ZBTB7C: variants seen among roughly 807,000 people sequenced by gnomAD.
ZBTB7C encodes zinc finger and BTB domain-containing protein 7C.
ZBTB7C carries 8 observed loss-of-function variants against 25.7 expected under a neutral mutation model. The ratio of observed to expected loss-of-function variants is 0.31; its 90% CI spans 0.18 to 0.56. ZBTB7C has a LOEUF of 0.56. Ranked by LOEUF, ZBTB7C falls within the 20% of genes least tolerant of loss-of-function variation. ZBTB7C has a pLI of 0.91. For missense variants in ZBTB7C, 824 were observed against 855.2 expected (o/e 0.96, Z 0.46); for synonymous variants, 394 against 369.0 (o/e 1.07, Z -0.78).
intron 2 of ZBTB7C, among the ~76,000 whole-genome samples, chr18:48,278,520 C>T (rs540769405): frequency 2.0e-5 from 3 of 152,004 alleles, no homozygotes; most frequent in Non-Finnish European, 4.4e-5. Flanking sequence ...ACTGCAACCT[C>T]CGCCTCCTGG....
chr18:48,359,211 A>C (rs1190764931), intron 1 of ZBTB7C, among the ~76,000 whole-genome samples: 1 of 152,148 alleles, frequency 6.6e-6, no homozygotes, highest in Non-Finnish European at 1.5e-5. Flanking sequence ...ATGAACTCAC[A>C]CGCACAGCCA....
chr18:48,355,337 G>A (rs964612362), intron 1 of ZBTB7C, among the ~76,000 whole-genome samples: 9 of 152,142 alleles, frequency 5.9e-5, no homozygotes, highest in Admixed American at 3.9e-4. Context: ...AGCTACTACT[G>A]GAAATCTGTT....
At chr18:48,278,242 G>C (rs935573398) in intron 2 of ZBTB7C, among the ~76,000 whole-genome samples, 2 of 152,112 alleles carry the variant, frequency 1.3e-5, no homozygotes, top group African/African-American at 2.4e-5. Context: ...GAAGCCACAG[G>C]AGAAAGAGGC....
intron 2 of ZBTB7C, among the ~76,000 whole-genome samples, chr18:48,266,634 C>G (rs1193378035): frequency 1.3e-5 from 2 of 152,052 alleles, no homozygotes; most frequent in Non-Finnish European, 2.9e-5. Flanking sequence ...GTCCACACAA[C>G]CCCCCTAGCA....
At chr18:48,190,214 A>T (rs966452333) in intron 2 of ZBTB7C, among the ~76,000 whole-genome samples, 1 of 152,222 alleles carries the variant, frequency 6.6e-6, no homozygotes, top group Non-Finnish European at 1.5e-5. Context: ...GCCCAGGATT[A>T]TCAGGAGCAA....
In ZBTB7C at chr18:48,041,020, C is replaced by T. The variant is rs371040181; in HGVS notation, c.88G>A (p.Asp30Asn). 12 of 1,614,022 alleles carry T rather than the reference C, an allele frequency of 7.4e-6. No homozygotes were observed. The highest frequency in any genetic ancestry group is 2.2e-5 in the East Asian group (1 of 44,874). ...AGGAGCACGTCACACAGCAGGCCATCGTGCCGTTGCTCATTGAGGCTGCAC... is the reference window on the plus strand; with the variant it reads ...AGGAGCACGTCACACAGCAGGCCATTGTGCCGTTGCTCATTGAGGCTGCAC... ...VLCSLNEQRH[D>N]GLLCDVLLVV... The change falls in exon 4 of 5, where the codon GAT becomes AAT. Residue 30 changes from aspartate (D) to asparagine (N), a missense_variant. By Grantham distance (23) the Asp-to-Asn change is conservative (BLOSUM62 1). Coordinates refer to ENST00000590800, the MANE Select transcript of ZBTB7C (RefSeq NM_001318841.2).
intron 2 of ZBTB7C, among the ~76,000 whole-genome samples, chr18:48,249,058 A>C (rs535145468): frequency 1.2e-4 from 18 of 152,376 alleles, no homozygotes; most frequent in Non-Finnish European, 2.5e-4. Flanking sequence ...AAAGGAATGT[A>C]AATTAAAGCA....
chr18:48,398,528 A>G (rs1041890812), intron 1 of ZBTB7C, among the ~76,000 whole-genome samples: 4 of 152,130 alleles, frequency 2.6e-5, no homozygotes, highest in African/African-American at 9.7e-5. Context: ...CCTCACCCCA[A>G]GTCAAAGGGC....
intron 1 of ZBTB7C, among the ~76,000 whole-genome samples, chr18:48,368,095 T>C (rs1343418511): frequency 6.6e-6 from 1 of 151,906 alleles, no homozygotes; most frequent in African/African-American, 2.4e-5. Context: ...CCAAACTGAA[T>C]GAGCAGAGGC....
intron 1 of ZBTB7C, among the ~76,000 whole-genome samples, chr18:48,383,802 G>A (rs2047685221): frequency 6.6e-6 from 1 of 152,078 alleles, no homozygotes; most frequent in Non-Finnish European, 1.5e-5. Flanking sequence ...TGGAAGCCAG[G>A]CTGGATGGAG....
chr18:48,296,823 G>A (rs2045406397), intron 2 of ZBTB7C, among the ~76,000 whole-genome samples: 2 of 151,936 alleles, frequency 1.3e-5, no homozygotes, highest in Non-Finnish European at 1.5e-5. Context: ...CAGATCAGCA[G>A]AGCCATGAGA....
chr18:48,083,814 A>C, intron 3 of ZBTB7C: 1 of 984,810 alleles, frequency 1.0e-6, no homozygotes, highest in Non-Finnish European at 1.2e-6. Context: ...TGAGGTTATA[A>C]AGGGCCTTAT....
intron 2 of ZBTB7C, among the ~76,000 whole-genome samples, chr18:48,262,148 T>C (rs996726687): frequency 1.3e-5 from 2 of 152,216 alleles, no homozygotes; most frequent in Non-Finnish European, 2.9e-5. Context: ...GACTGTCTCA[T>C]TGTACAGCTG....
intron 2 of ZBTB7C, among the ~76,000 whole-genome samples, chr18:48,284,576 T>C (rs944921068): frequency 2.0e-5 from 3 of 152,120 alleles, no homozygotes; most frequent in Non-Finnish European, 2.9e-5. Flanking sequence ...GGTGGATTAC[T>C]TGAGGACAGG....
intron 2 of ZBTB7C, among the ~76,000 whole-genome samples, chr18:48,307,965 T>A (rs2045716156): frequency 6.6e-6 from 1 of 152,238 alleles, no homozygotes; most frequent in South Asian, 2.1e-4. Flanking sequence ...TTTTGGTACA[T>A]TTTTTATGTA....
chr18:48,387,843 T>TAG lies in ZBTB7C; in HGVS notation c.-304+21382_-304+21383insCT. Among the ~76,000 whole-genome samples the TAG allele has an allele frequency of 2.1e-5, 3 of 143,718 alleles. No individual in the cohort carries two copies. In the South Asian group the frequency reaches 6.6e-4, roughly 32 times the overall value. 94.3% of individuals were successfully genotyped at this position (143,718 alleles called of 152,430 possible). A position where few individuals can be genotyped will look rare whatever the true frequency, so the allele number is the denominator to read the frequency against. On this transcript the variant is annotated intron_variant, in intron 1 of 4. Coordinates refer to ENST00000590800, the MANE Select transcript of ZBTB7C (RefSeq NM_001318841.2). Reference sequence around the variant, plus strand: ...TGTTTGGTTTGGTTTGTTGTTGTTGTTGTTTGTTTGTTTGTTTTGAGACAG... The same window carrying TAG: ...TGTTTGGTTTGGTTTGTTGTTGTTGTAGTGTTTGTTTGTTTGTTTTGAGACAG...
intron 1 of ZBTB7C, among the ~76,000 whole-genome samples, chr18:48,390,626 TA>T (rs1310781963): frequency 6.6e-6 from 1 of 152,082 alleles, no homozygotes; most frequent in Non-Finnish European, 1.5e-5. Flanking sequence ...ACCTCGAGAG[TA>T]AATTCCAGCC....
chr18:48,083,083 A>AT (rs1318098693), intron 3 of ZBTB7C, among the ~76,000 whole-genome samples: 1 of 152,178 alleles, frequency 6.6e-6, no homozygotes, highest in Non-Finnish European at 1.5e-5. Context: ...TGACCAGGAT[A>AT]TACATCTGCG....
chr18:48,348,444 T>A (rs57626557), intron 1 of ZBTB7C, among the ~76,000 whole-genome samples: 9,575 of 152,268 alleles, frequency 0.063, 341 homozygotes, highest in Non-Finnish European at 0.074. Flanking sequence ...TTCCCTGCAG[T>A]CCACAGTTCC....
Sources: gnomAD v4.1 joint callset for allele counts (sites outside exome capture counted in the v4.1 genomes callset) on GRCh38, gnomAD v4.1.1 for gene constraint, MANE v1.5 for transcripts, NCBI Gene and HGNC (gene_info 2026-07-23, HGNC 2026-07-21) for gene names.